AGGF1: variants seen among roughly 807,000 people sequenced by gnomAD.
AGGF1 encodes angiogenic factor with G-patch and FHA domains 1.
Under a neutral mutation model 86.5 loss-of-function variants are expected in AGGF1, and 56 were observed. That is an observed-to-expected ratio of 0.65 (90% CI 0.52 to 0.81). The LOEUF is 0.81. Ranked by LOEUF, AGGF1 falls within the 30% of genes least tolerant of loss-of-function variation. The probability of loss-of-function intolerance (pLI) is 0.00; values close to 1 mark genes in which losing one functional copy is unlikely to be tolerated. For missense variants in AGGF1, 816 were observed against 850.9 expected (o/e 0.96, Z 0.51); for synonymous variants, 313 against 297.1 (o/e 1.05, Z -0.55).
At chr5:77,039,086 A>C (rs961147053) in intron 4 of AGGF1, among the ~76,000 whole-genome samples, 2 of 152,140 alleles carry the variant, frequency 1.3e-5, no homozygotes, top group African/African-American at 4.8e-5. Context: ...AGGAGGGTTT[A>C]GGGGTTTATA....
intron 7 of AGGF1, 125 bp from the exon 8 acceptor site, chr5:77,048,811 A>T (rs1283146842): frequency 1.1e-6 from 1 of 922,206 alleles, no homozygotes; most frequent in Non-Finnish European, 1.7e-6. Flanking sequence ...TGGATAATCC[A>T]TAACCAGGAG....
chr5:77,054,145 TTAAATGTG>T lies in AGGF1; in HGVS notation c.1633+16_1633+23del. 1 of 1,614,082 alleles carries T rather than the reference TTAAATGTG, an allele frequency of 6.2e-7. No homozygotes were observed. The highest frequency in any genetic ancestry group is 8.5e-7 in the Non-Finnish European group (1 of 1,179,936). ...TGAATCTTTTGGTATGTGAAACAGA[TTAAATGTG>T]GCTGTGATAACATTTCTCTTTCATT... On this transcript the variant is annotated intron_variant, in intron 10 of 13. Transcript: ENST00000312916.
intron 11 of AGGF1, 34 bp from the exon 12 acceptor site, chr5:77,059,582 T>G (rs1747517520): frequency 1.3e-6 from 2 of 1,577,816 alleles, no homozygotes; most frequent in African/African-American, 1.3e-5. Flanking sequence ...TTATCAGCTT[T>G]CTTTTCCTGA....
rs557799810 is a variant in AGGF1 at position 77,036,939 on chromosome 5, A to G, written c.681+219A>G. Among the ~76,000 whole-genome samples, 4 of 152,274 alleles carry G rather than the reference A, an allele frequency of 2.6e-5. No homozygotes were observed. In the East Asian group the frequency reaches 5.8e-4, roughly 22 times the overall value. The stretch of plus-strand genomic sequence containing the variant: ...TTTTTAGTAGAGGCAGGGTTTCGCC[A>G]TGTCGGCCAGGCTGGTCTCGAATTA... On this transcript the variant is annotated intron_variant, in intron 4 of 13. Coordinates refer to ENST00000312916, the MANE Select transcript of AGGF1 (RefSeq NM_018046.5).
chr5:77,043,823 C>T (rs1263805808), intron 5 of AGGF1, among the ~76,000 whole-genome samples: 3 of 116,470 alleles, frequency 2.6e-5, no homozygotes, highest in Admixed American at 8.7e-5. Flanking sequence ...ACTTCTCAGA[C>T]GGGGTGGTTG....
intron 6 of AGGF1, 104 bp from the exon 7 acceptor site, chr5:77,048,057 T>G (rs1580131376): frequency 1.2e-6 from 1 of 808,028 alleles, no homozygotes; most frequent in East Asian, 2.5e-5. Context: ...GAATTAAGAT[T>G]TTTGACCAAC....
intron 9 of AGGF1, among the ~76,000 whole-genome samples, chr5:77,053,288 G>A (rs1191195815): frequency 3.3e-5 from 5 of 152,158 alleles, no homozygotes; most frequent in Non-Finnish European, 7.3e-5. Flanking sequence ...GGAGCCCGAG[G>A]CCAGTGGATC....
chr5:77,040,616 A>G (rs1747058833), intron 5 of AGGF1, among the ~76,000 whole-genome samples: 1 of 152,210 alleles, frequency 6.6e-6, no homozygotes, highest in Admixed American at 6.5e-5. Context: ...TGATGATGCA[A>G]TGTTAAATTG....
intron 1 of AGGF1, among the ~76,000 whole-genome samples, chr5:77,032,979 A>G (rs1746899701): frequency 6.6e-6 from 1 of 152,218 alleles, no homozygotes; most frequent in Admixed American, 6.5e-5. Context: ...TTAAAAAAAT[A>G]GTAGTTCTGT....
chr5:77,061,828 AT>A (rs1263434037), intron 13 of AGGF1, 26 bp downstream of exon 13: 2 of 1,586,928 alleles, frequency 1.3e-6, no homozygotes, highest in African/African-American at 2.7e-5. Flanking sequence ...TCTTTTATTC[AT>A]TTATTCCTAG....
intron 10 of AGGF1, among the ~76,000 whole-genome samples, chr5:77,054,427 G>A (rs748961342): frequency 1.3e-5 from 2 of 152,210 alleles, no homozygotes; most frequent in Non-Finnish European, 2.9e-5. Context: ...TTCATGATAT[G>A]TAGCATTGGT....
chr5:77,041,412 CA>C (rs1747077386), intron 5 of AGGF1, among the ~76,000 whole-genome samples: 1 of 151,854 alleles, frequency 6.6e-6, no homozygotes, highest in Non-Finnish European at 1.5e-5. Flanking sequence ...ACTAAAAATA[CA>C]AAAATTAGCC....
At position 77,063,352 on chromosome 5, in the gene AGGF1, C is replaced by A; in HGVS notation, c.*100C>A. ...AATCAGCAGCACAGGGGAACTATGT[C>A]ACAGTTTACCTCTTCCTGATTCAGA... On this transcript the variant is annotated 3_prime_UTR_variant, in exon 14 of 14. Coordinates refer to ENST00000312916, the MANE Select transcript of AGGF1 (RefSeq NM_018046.5). The A allele has an allele frequency of 8.5e-7, 1 of 1,173,006 alleles. No homozygotes were observed. The highest frequency in any genetic ancestry group is 1.2e-6 in the Non-Finnish European group (1 of 818,434). 72.7% of individuals were successfully genotyped at this position (1,173,006 alleles called of 1,614,324 possible).
At chr5:77,031,062 A>G in intron 1 of AGGF1, 86 bp downstream of exon 1, 1 of 1,408,858 alleles carries the variant, frequency 7.1e-7, no homozygotes, top group Admixed American at 1.7e-5. Context: ...GGTCCCTGGC[A>G]GGGGCTCAGA....
Position 77,065,099 on chromosome 5 carries a change from A to C in AGGF1, c.*1847A>C, listed in dbSNP as rs934786652. The stretch of plus-strand genomic sequence containing the variant: ...GTCTCACGTGTCTGTCATGAATAGC[A>C]AATGAGAAAATGTATATAAAAGCAC... On this transcript the variant is annotated 3_prime_UTR_variant, in exon 14 of 14. Coordinates refer to ENST00000312916, the MANE Select transcript of AGGF1 (RefSeq NM_018046.5). 2.0e-5 allele frequency: 3 copies of C among 152,224 alleles called. No individual in the cohort carries two copies. Among genetic ancestry groups the C allele is most frequent in the Non-Finnish European group, 4.4e-5 (3 of 68,028 alleles). The allele number at this position is 152,224 out of a possible 1,614,324, so 9.4% of individuals were successfully genotyped here.
At chr5:77,054,710 CAATT>C (rs1396052223) in intron 10 of AGGF1, among the ~76,000 whole-genome samples, 1 of 152,006 alleles carries the variant, frequency 6.6e-6, no homozygotes, top group African/African-American at 2.4e-5. Context: ...CAATTTTTAT[CAATT>C]AAAATAATTT....
chr5:77,032,252 T>TAAAAA (rs35068401), intron 1 of AGGF1, among the ~76,000 whole-genome samples: 14,244 of 107,068 alleles, frequency 0.13, 1,443 homozygotes, highest in Non-Finnish European at 0.17. Flanking sequence ...ACAAATATGG[T>TAAAAA]AAAAAAAAAA....
chr5:77,036,989 T>C (rs146104616), intron 4 of AGGF1, among the ~76,000 whole-genome samples: 2 of 152,280 alleles, frequency 1.3e-5, no homozygotes, highest in Admixed American at 1.3e-4. Context: ...TAATACTGTA[T>C]GATACATACT....
rs1225050410 is a variant in AGGF1, at chr5:77,046,413, T to G, written c.937T>G (p.Phe313Val). Residue 313 changes from phenylalanine (F) to valine (V), a missense_variant, in exon 6 of 14, where the codon TTC becomes GTC. Transcript: ENST00000312916. Reference sequence around the variant, plus strand: ...TACAAGCTGCAATGAGGAAGAAAATTTCGCAAATATGAAAAAGAAGGCCAA... The same window carrying G: ...TACAAGCTGCAATGAGGAAGAAAATGTCGCAAATATGAAAAAGAAGGCCAA... ...EHTSCNEEENFANMKKKAKIG... is the reference protein window; with the variant it reads ...EHTSCNEEENVANMKKKAKIG... 1.9e-6 allele frequency: 3 copies of G among 1,613,896 alleles called. No homozygotes were observed. In the South Asian group the frequency reaches 3.3e-5, roughly 18 times the overall value.
Sources: gnomAD v4.1 joint callset for allele counts (sites outside exome capture counted in the v4.1 genomes callset) on GRCh38, gnomAD v4.1.1 for gene constraint, MANE v1.5 for transcripts, NCBI Gene and HGNC (gene_info 2026-07-23, HGNC 2026-07-21) for gene names.